Variants in GUCY1A2 observed in about 807,000 individuals in gnomAD.
The protein encoded by GUCY1A2 is guanylate cyclase soluble subunit alpha-2.
GUCY1A2 carries 27 observed loss-of-function variants against 63.5 expected under a neutral mutation model. The observed-to-expected ratio is 0.43, with a 90% CI of 0.31 to 0.59. GUCY1A2 has a LOEUF of 0.59. Among genes scored for constraint, GUCY1A2 ranks in the 20% least tolerant of loss-of-function variants. The pLI, the probability that GUCY1A2 is intolerant of heterozygous loss-of-function variation, is 0.11. For missense variants in GUCY1A2, 768 were observed against 913.3 expected (o/e 0.84, Z 2.05); for synonymous variants, 364 against 343.5 (o/e 1.06, Z -0.66).
chr11:106,927,763 G>C (rs1860547702), intron 4 of GUCY1A2, among the ~76,000 whole-genome samples: 1 of 151,502 alleles, frequency 6.6e-6, no homozygotes, highest in Non-Finnish European at 1.5e-5. Context: ...TAGTAGACAC[G>C]GGGTTTCACC....
chr11:106,734,812 C>T (rs1255646790), intron 6 of GUCY1A2, among the ~76,000 whole-genome samples: 4 of 151,982 alleles, frequency 2.6e-5, no homozygotes, highest in Admixed American at 2.6e-4. Flanking sequence ...TGGAACATCT[C>T]GATTTTAGCG....
rs886329937 is a variant in GUCY1A2, at chr11:106,683,937, C to T, written c.*3612G>A. On this transcript the variant is annotated 3_prime_UTR_variant, in exon 8 of 8. Transcript: ENST00000526355. ...AGCCTGGTGGGGTTTTCAGAATTCT[C>T]CATGGCTTTGCCTTTTGTTATCTAT... is the stretch of plus-strand genomic sequence containing the variant. The T allele has an allele frequency of 4.0e-5, 8 of 202,014 alleles. No individual in the cohort carries two copies. Among genetic ancestry groups the T allele is most frequent in the Non-Finnish European group, 7.1e-5 (7 of 98,168 alleles). 12.5% of individuals were successfully genotyped at this position (202,014 alleles called of 1,614,324 possible). A position where few individuals can be genotyped will look rare whatever the true frequency, so the allele number is the denominator to read the frequency against.
At chr11:106,884,539 G>T (rs1295521232) in intron 4 of GUCY1A2, among the ~76,000 whole-genome samples, 3 of 152,054 alleles carry the variant, frequency 2.0e-5, no homozygotes, top group Non-Finnish European at 2.9e-5. Flanking sequence ...GTGGAAGGCT[G>T]GGTGGATGAA....
In GUCY1A2 at chr11:106,821,306, T is replaced by C. The variant is rs186385611; in HGVS notation, c.1207-10828A>G. On this transcript the variant is annotated intron_variant, in intron 4 of 7. Coordinates refer to ENST00000526355, the MANE Select transcript of GUCY1A2 (RefSeq NM_000855.3). ...CTATGTGGAGAATATTAAATTTATA[T>C]GCAGTCTTTAATACCTTACACAAAC... Among the ~76,000 whole-genome samples, 3 of 152,382 alleles carry C rather than the reference T, an allele frequency of 2.0e-5. No individual in the cohort carries two copies. In the East Asian group the frequency reaches 5.8e-4, roughly 29 times the overall value.
At chr11:106,810,941 C>A (rs1409831565) in intron 4 of GUCY1A2, among the ~76,000 whole-genome samples, 1 of 151,948 alleles carries the variant, frequency 6.6e-6, no homozygotes, top group African/African-American at 2.4e-5. Flanking sequence ...AAGTAATTGG[C>A]CTTATGTAAA....
intron 6 of GUCY1A2, among the ~76,000 whole-genome samples, chr11:106,718,889 T>G (rs1863263078): frequency 6.6e-6 from 1 of 152,090 alleles, no homozygotes; most frequent in Admixed American, 6.5e-5. Flanking sequence ...AGAAAACAAT[T>G]GTGACTTTTT....
intron 6 of GUCY1A2, among the ~76,000 whole-genome samples, chr11:106,748,866 G>A (rs772092029): frequency 3.3e-5 from 5 of 151,530 alleles, no homozygotes; most frequent in South Asian, 2.1e-4. Context: ...ATAACACAGC[G>A]TAGAACAGAA....
At chr11:106,757,001 G>T (rs112032646) in intron 6 of GUCY1A2, among the ~76,000 whole-genome samples, 6 of 152,084 alleles carry the variant, frequency 3.9e-5, no homozygotes, top group African/African-American at 1.4e-4. Context: ...ACGTAGATTT[G>T]GTCTTTTCTC....
At chr11:106,884,593 T>G (rs1859873161) in intron 4 of GUCY1A2, among the ~76,000 whole-genome samples, 1 of 151,820 alleles carries the variant, frequency 6.6e-6, no homozygotes. Context: ...GAAAAGGGGT[T>G]AGAAAGAGAA....
intron 4 of GUCY1A2, 118 bp from the exon 5 acceptor site, chr11:106,810,596 C>A: frequency 1.4e-6 from 1 of 740,122 alleles, no homozygotes; most frequent in Non-Finnish European, 2.1e-6. Context: ...TGAGTTACTG[C>A]ATTCATATAA....
At position 106,860,197 on chromosome 11, in the gene GUCY1A2, T is replaced by C. The variant is rs1170472005; in HGVS notation, c.1207-49719A>G. Among the ~76,000 whole-genome samples the C allele has an allele frequency of 2.0e-5, 3 of 151,914 alleles. 1 individual carries two copies. The highest frequency in any genetic ancestry group is 1.3e-4 in the Admixed American group (2 of 15,208). On this transcript the variant is annotated intron_variant, in intron 4 of 7. Transcript: ENST00000526355. ...TGGGTTAAAAAGAGCTAATAATGTA[T>C]ACACACAGTGCTCTGCTGTTTTCCA...
In GUCY1A2 at chr11:106,682,497, T is replaced by C; in HGVS notation, c.*5052A>G. 4.8e-6 allele frequency: 1 copy of C among 210,428 alleles called. No individual in the cohort carries two copies. The highest frequency in any genetic ancestry group is 7.1e-5 in the East Asian group (1 of 14,008). 13.0% of individuals were successfully genotyped at this position (210,428 alleles called of 1,614,324 possible). On this transcript the variant is annotated 3_prime_UTR_variant, in exon 8 of 8. Transcript: ENST00000526355. ...CGGAATTCTTATGAAGCCAGCCAGA[T>C]ACTTCCAAGCAGATCAGCTGAACCA...
chr11:106,857,916 T>G (rs1859459479), intron 4 of GUCY1A2, among the ~76,000 whole-genome samples: 1 of 152,210 alleles, frequency 6.6e-6, no homozygotes, highest in African/African-American at 2.4e-5. Flanking sequence ...CTTTAGATTT[T>G]GGTATCTGTC....
At chr11:106,888,069 G>A (rs1290897916) in intron 4 of GUCY1A2, among the ~76,000 whole-genome samples, 1 of 152,092 alleles carries the variant, frequency 6.6e-6, no homozygotes, top group Non-Finnish European at 1.5e-5. Context: ...AAGAGTGGGG[G>A]TTGGGGGAAT....
At chr11:106,973,512 G>T (rs971760764) in intron 3 of GUCY1A2, among the ~76,000 whole-genome samples, 1 of 152,066 alleles carries the variant, frequency 6.6e-6, no homozygotes, top group Admixed American at 6.6e-5. Context: ...AGTATCCCAA[G>T]TACATTTGAA....
chr11:107,001,131 GAAGA>G (rs1165500746), intron 1 of GUCY1A2, among the ~76,000 whole-genome samples: 17 of 152,248 alleles, frequency 1.1e-4, no homozygotes, highest in Middle Eastern at 3.4e-3. Flanking sequence ...AAAGAAGTTG[GAAGA>G]AAGATAAAAT....
chr11:106,753,343 T>C (rs1382474649), intron 6 of GUCY1A2, among the ~76,000 whole-genome samples: 1 of 152,224 alleles, frequency 6.6e-6, no homozygotes, highest in Non-Finnish European at 1.5e-5. Flanking sequence ...TGATAGTTTC[T>C]TTTGCTGTGT....
chr11:106,698,603 G>C (rs1862764447), intron 7 of GUCY1A2, among the ~76,000 whole-genome samples: 2 of 151,698 alleles, frequency 1.3e-5, no homozygotes, highest in Non-Finnish European at 2.9e-5. Context: ...ACTTAACCTG[G>C]GTACATTTGT....
At chr11:106,730,059 AATATATATATATATATATAT>A (rs60486225) in intron 6 of GUCY1A2, among the ~76,000 whole-genome samples, 2 of 103,364 alleles carry the variant, frequency 1.9e-5, no homozygotes, top group Non-Finnish European at 4.0e-5. Context: ...ATCAGCATGG[AATATATATATATATATATAT>A]ATATATATAT....
Sources: allele counts gnomAD v4.1 joint callset (sites outside exome capture counted in the v4.1 genomes callset), GRCh38; gene constraint gnomAD v4.1.1; transcripts MANE v1.5; gene names NCBI Gene and HGNC (gene_info 2026-07-23, HGNC 2026-07-21).